Variants in ENPP6 observed in about 807,000 individuals in gnomAD.
ENPP6 encodes the protein glycerophosphocholine cholinephosphodiesterase ENPP6.
Under a neutral mutation model 42.0 loss-of-function variants are expected in ENPP6, and 32 were observed. The observed-to-expected ratio is 0.76, with a 90% CI of 0.58 to 1.02. The LOEUF is 1.02. ENPP6 is among the 50% of genes least tolerant of loss of function. ENPP6 has a pLI of 0.00. For synonymous variants in ENPP6, 213 were observed against 216.0 expected (o/e 0.99, Z 0.12); for missense variants, 552 against 566.8 (o/e 0.97, Z 0.27).
At chr4:184,120,723 T>C (rs931566181) in intron 3 of ENPP6, among the ~76,000 whole-genome samples, 1 of 152,180 alleles carries the variant, frequency 6.6e-6, no homozygotes, top group Non-Finnish European at 1.5e-5. Context: ...AGACTGCCCA[T>C]GTGTGGTGGG....
chr4:184,138,648 C>A (rs1736769168), intron 2 of ENPP6, among the ~76,000 whole-genome samples: 1 of 152,166 alleles, frequency 6.6e-6, no homozygotes, highest in African/African-American at 2.4e-5. Context: ...CGTTGAGGAT[C>A]TTAGAATTGG....
Position 184,144,365 on chromosome 4 carries a change from C to T in ENPP6, c.421+9189G>A, listed in dbSNP as rs149702407. 3.7e-3 allele frequency among the ~76,000 whole-genome samples: 570 copies of T among 152,280 alleles called. 7 individuals are homozygous for T. Among genetic ancestry groups the T allele is most frequent in the African/African-American group, 0.013 (533 of 41,572 alleles). On this transcript the variant is annotated intron_variant, in intron 2 of 7. Transcript: ENST00000296741. ...GAGCCCCAGCAGTGCCAGGCCCTCT[C>T]CAGACCTGGCCAGAAACCAGGTCCC... is the stretch of plus-strand genomic sequence containing the variant.
chr4:184,110,924 C>T (rs988221985), intron 6 of ENPP6, among the ~76,000 whole-genome samples: 2 of 152,200 alleles, frequency 1.3e-5, no homozygotes, highest in Non-Finnish European at 2.9e-5. Context: ...CATCTTCATG[C>T]CGGACGTGTG....
rs1169714198 is a variant in ENPP6 at position 184,217,765 on chromosome 4, G to T, written c.55C>A (p.Pro19Thr). 6.2e-7 allele frequency: 1 copy of T among 1,613,932 alleles called. No homozygotes were observed. Among genetic ancestry groups the T allele is most frequent in the African/African-American group, 1.3e-5 (1 of 74,940 alleles). The stretch of plus-strand genomic sequence containing the variant: ...AGCAGCTTCCGGCGGGCAGAGGCTG[G>T]CTGGGCCAGGCCCAGGGCAAGGGCC... ...LLALALGLAQPASARRKLLVF... is the reference protein window; with the variant it reads ...LLALALGLAQTASARRKLLVF... Residue 19 changes from proline (P) to threonine (T), a missense_variant, in exon 1 of 8, where the codon CCA becomes ACA. Pro to Thr is a conservative substitution (Grantham distance 38). Coordinates refer to ENST00000296741, the MANE Select transcript of ENPP6 (RefSeq NM_153343.4).
At position 184,116,936 on chromosome 4, in the gene ENPP6, T is replaced by C. The variant is rs143976039; in HGVS notation, c.775A>G (p.Ile259Val). 19 of 1,614,234 alleles carry C rather than the reference T, an allele frequency of 1.2e-5. No homozygotes were observed. The African/African-American group carries it at 1.9e-4, about 16-fold the overall frequency. The stretch of plus-strand genomic sequence containing the variant: ...ACTTGCTGCAGGTCATTCAGGCTGA[T>C]GTACTTATTCAGCTCAATCACTTTG... Reference protein sequence around the residue: ...MDKVIELNKYISLNDLQQVKD... With the variant: ...MDKVIELNKYVSLNDLQQVKD... Residue 259 changes from isoleucine to valine, a missense_variant, in exon 5 of 8, where the codon ATC becomes GTC. Ile to Val is a conservative substitution (Grantham distance 29). Transcript: ENST00000296741.
At position 184,091,269 on chromosome 4, in the gene ENPP6, T is replaced by C. The variant is rs1432717248; in HGVS notation, c.1231A>G (p.Met411Val). The change falls in exon 8 of 8, where the codon ATG becomes GTG. Residue 411 changes from methionine (M) to valine (V), a missense_variant. By Grantham distance (21) the Met-to-Val change is conservative. This residue lies in a region of ENPP6 where 545 missense variants were observed against 546.3 expected (regional missense o/e 1.00). Transcript: ENST00000296741. ...CTGGCGCGGCCCTTCAGCATGCACA[T>C]CACCCTGGACCAGGATCCGTTGTTG... Reference protein sequence around the residue: ...LPNNGSWSRVMCMLKGRASTA... With the variant: ...LPNNGSWSRVVCMLKGRASTA... 1.9e-6 allele frequency: 3 copies of C among 1,612,964 alleles called. No homozygotes were observed. Among genetic ancestry groups the C allele is most frequent in the Non-Finnish European group, 1.7e-6 (2 of 1,179,646 alleles).
chr4:184,187,191 C>A (rs898670219), intron 1 of ENPP6, among the ~76,000 whole-genome samples: 2 of 152,114 alleles, frequency 1.3e-5, no homozygotes, highest in Non-Finnish European at 2.9e-5. Flanking sequence ...GAGGTTTGAC[C>A]AGATTGCTGG....
intron 2 of ENPP6, among the ~76,000 whole-genome samples, chr4:184,143,518 C>G (rs935665522): frequency 6.6e-6 from 1 of 152,222 alleles, no homozygotes; most frequent in Non-Finnish European, 1.5e-5. Flanking sequence ...TGTGGGTGAG[C>G]CCTGAGACAT....
chr4:184,172,193 C>T (rs990959978), intron 1 of ENPP6, among the ~76,000 whole-genome samples: 16 of 152,192 alleles, frequency 1.1e-4, no homozygotes, highest in African/African-American at 3.1e-4. Flanking sequence ...AGTGATGTGG[C>T]GCATTGTTGG....
intron 3 of ENPP6, among the ~76,000 whole-genome samples, chr4:184,120,648 C>A (rs1736400677): frequency 6.6e-6 from 1 of 152,198 alleles, no homozygotes; most frequent in African/African-American, 2.4e-5. Context: ...GTAAGTGATG[C>A]AGATCACAAA....
intron 1 of ENPP6, among the ~76,000 whole-genome samples, chr4:184,192,153 G>A (rs1268551620): frequency 6.6e-6 from 1 of 152,150 alleles, no homozygotes; most frequent in East Asian, 1.9e-4. Flanking sequence ...GAAAGTACAA[G>A]TGACTTGGAA....
At chr4:184,098,487 C>G (rs1323303544) in intron 6 of ENPP6, among the ~76,000 whole-genome samples, 1 of 152,178 alleles carries the variant, frequency 6.6e-6, no homozygotes. Flanking sequence ...TGCCTTTCTT[C>G]CTTCTGGCCC....
chr4:184,161,789 C>T (rs1269719432), intron 1 of ENPP6, among the ~76,000 whole-genome samples: 2 of 152,044 alleles, frequency 1.3e-5, no homozygotes, highest in Non-Finnish European at 2.9e-5. Context: ...AAATGGAAAA[C>T]CAAACATTGT....
At chr4:184,155,605 G>A (rs1737144411) in intron 1 of ENPP6, among the ~76,000 whole-genome samples, 1 of 152,144 alleles carries the variant, frequency 6.6e-6, no homozygotes, top group African/African-American at 2.4e-5. Flanking sequence ...TCAGACATGG[G>A]AATAATAGGG....
At chr4:184,173,724 T>A (rs910139231) in intron 1 of ENPP6, among the ~76,000 whole-genome samples, 11 of 152,326 alleles carry the variant, frequency 7.2e-5, no homozygotes, top group Middle Eastern at 3.4e-3. Context: ...ATATTCTGGT[T>A]AAAACACCCA....
At chr4:184,150,947 G>A (rs1211733391) in intron 2 of ENPP6, among the ~76,000 whole-genome samples, 1 of 152,248 alleles carries the variant, frequency 6.6e-6, no homozygotes, top group Non-Finnish European at 1.5e-5. Flanking sequence ...TTCTTATCCT[G>A]AAGGAGCTGT....
chr4:184,188,522 A>G (rs986329998), intron 1 of ENPP6, among the ~76,000 whole-genome samples: 1 of 152,118 alleles, frequency 6.6e-6, no homozygotes, highest in Non-Finnish European at 1.5e-5. Context: ...GCTGTGTCAC[A>G]GTCTTGCCAC....
intron 1 of ENPP6, among the ~76,000 whole-genome samples, chr4:184,209,216 A>G (rs1449983962): frequency 1.3e-5 from 2 of 151,658 alleles, no homozygotes; most frequent in African/African-American, 4.9e-5. Flanking sequence ...CTCACCAGCA[A>G]TGGAACAAAG....
intron 7 of ENPP6, among the ~76,000 whole-genome samples, chr4:184,094,777 C>T (rs1376694082): frequency 2.6e-5 from 4 of 152,262 alleles, no homozygotes; most frequent in African/African-American, 9.6e-5. Context: ...GACTCCCACT[C>T]CTGCTGTCTT....
Sources: gnomAD v4.1 joint callset for allele counts (sites outside exome capture counted in the v4.1 genomes callset) on GRCh38, gnomAD v4.1.1 for gene constraint, gnomAD v4.1.1 regional missense constraint, MANE v1.5 for transcripts, NCBI Gene and HGNC (gene_info 2026-07-23, HGNC 2026-07-21) for gene names.